DDX60L: variants seen among roughly 807,000 people sequenced by gnomAD.
DDX60L encodes the protein DExD/H-box 60 like, also known as probable ATP-dependent RNA helicase DDX60-like.
In DDX60L, 191 loss-of-function variants were observed where a neutral mutation model predicts 211.6. That is an observed-to-expected ratio of 0.90 (90% CI 0.80 to 1.02). The LOEUF (loss-of-function observed/expected upper bound fraction) is 1.02, where lower values mean the gene tolerates loss of function less well. Among genes scored for constraint, DDX60L ranks in the 50% least tolerant of loss-of-function variants. DDX60L has a pLI of 0.00. For missense variants in DDX60L, 2,007 were observed against 1,984.1 expected (o/e 1.01, Z -0.22); for synonymous variants, 706 against 694.1 (o/e 1.02, Z -0.27).
At chr4:168,479,117 C>CTGGATGATGGATGGATGGATGGA (rs1561157848) in intron 1 of DDX60L, among the ~76,000 whole-genome samples, 1 of 142,940 alleles carries the variant, frequency 7.0e-6, no homozygotes, top group Non-Finnish European at 1.5e-5. Flanking sequence ...GGTTGGATGG[C>CTGGATGATGGATGGATGGATGGA]TGGATGATGG....
rs975703077 is a variant in DDX60L, at chr4:168,472,390, G to A, written c.74+65C>T. ...GATCATGTATATGTATATGGGTTAA[G>A]AGGGATGTGGAAACACAGAGCATAC... On this transcript the variant is annotated intron_variant, in intron 3 of 37. Transcript: ENST00000682922. 7.3e-6 allele frequency: 9 copies of A among 1,224,910 alleles called. No homozygotes were observed. In the Admixed American group the frequency reaches 8.5e-5, roughly 12 times the overall value. The allele number at this position is 1,224,910 out of a possible 1,614,324, so 75.9% of individuals were successfully genotyped here.
chr4:168,432,701 T>C, intron 11 of DDX60L, 131 bp from the exon 12 acceptor site: 1 of 526,226 alleles, frequency 1.9e-6, no homozygotes, highest in Non-Finnish European at 3.2e-6. Flanking sequence ...TCATAAAACC[T>C]CAGAGACATA....
intron 14 of DDX60L, among the ~76,000 whole-genome samples, chr4:168,425,638 T>C (rs1751334858): frequency 6.6e-6 from 1 of 152,132 alleles, no homozygotes; most frequent in Non-Finnish European, 1.5e-5. Flanking sequence ...GGCAGGAGCC[T>C]GTAATCCCAG....
intron 22 of DDX60L, among the ~76,000 whole-genome samples, chr4:168,415,031 G>A (rs893964129): frequency 4.6e-5 from 7 of 151,704 alleles, no homozygotes; most frequent in African/African-American, 1.7e-4. Context: ...TTAAGGTAAT[G>A]GATACATACC....
intron 12 of DDX60L, among the ~76,000 whole-genome samples, chr4:168,431,199 T>C (rs1000493415): frequency 1.3e-5 from 2 of 152,100 alleles, no homozygotes; most frequent in Non-Finnish European, 2.9e-5. Context: ...CTGATACCAA[T>C]TACCTTACAC....
intron 5 of DDX60L, among the ~76,000 whole-genome samples, chr4:168,460,372 G>C (rs1268676252): frequency 2.0e-5 from 3 of 152,034 alleles, no homozygotes; most frequent in Non-Finnish European, 2.9e-5. Context: ...TTGCTTCTTT[G>C]TCAGTCTTCT....
rs1474828660 is a variant in DDX60L, at chr4:168,415,908, C to T, written c.2727-109G>A. On this transcript the variant is annotated intron_variant, in intron 20 of 37. Transcript: ENST00000682922. Reference sequence around the variant, plus strand: ...CACAAGTTTAAAAATTTAGAGCATGCCCTCTCAATTTAAACCACCTGAGTT... The same window carrying T: ...CACAAGTTTAAAAATTTAGAGCATGTCCTCTCAATTTAAACCACCTGAGTT... 5 of 1,043,922 alleles carry T rather than the reference C, an allele frequency of 4.8e-6. No homozygotes were observed. The East Asian group carries it at 8.5e-5, about 18-fold the overall frequency. 64.7% of individuals were successfully genotyped at this position (1,043,922 alleles called of 1,614,324 possible).
At chr4:168,415,542 C>T (rs1749407342) in intron 21 of DDX60L, 25 bp from the exon 22 acceptor site, 2 of 1,491,816 alleles carry the variant, frequency 1.3e-6, no homozygotes, top group Non-Finnish European at 1.8e-6. Flanking sequence ...CAAGAATATC[C>T]AAATTAATGG....
rs976802924 is a variant in DDX60L at position 168,372,652 on chromosome 4, C to G, written c.4777-889G>C. Among the ~76,000 whole-genome samples, 5 of 151,626 alleles carry G rather than the reference C, an allele frequency of 3.3e-5. No individual in the cohort carries two copies. The East Asian group carries it at 9.7e-4, about 29-fold the overall frequency. On this transcript the variant is annotated intron_variant, in intron 35 of 37. Transcript: ENST00000682922. ...TGAGGTGGGAGGATCACCTGAGCCCCGGAAGTTGAGGATGCAGTGAGCCGA... is the reference window on the plus strand; with the variant it reads ...TGAGGTGGGAGGATCACCTGAGCCCGGGAAGTTGAGGATGCAGTGAGCCGA...
intron 36 of DDX60L, among the ~76,000 whole-genome samples, chr4:168,370,745 G>A (rs1157682482): frequency 6.6e-6 from 1 of 151,930 alleles, no homozygotes; most frequent in Non-Finnish European, 1.5e-5. Flanking sequence ...AAAAAGAACA[G>A]CATTTAAATA....
chr4:168,390,479 T>C (rs1410828884), intron 29 of DDX60L: 1 of 1,385,250 alleles, frequency 7.2e-7, no homozygotes, highest in Non-Finnish European at 9.3e-7. Context: ...TAAACTCCTT[T>C]TCTCTGTAAA....
intron 14 of DDX60L, among the ~76,000 whole-genome samples, chr4:168,426,561 G>A (rs2712119): frequency 0.35 from 52,719 of 152,032 alleles, 10,054 homozygotes; most frequent in African/African-American, 0.49. Context: ...CCCTAGAGAG[G>A]AACACAATTT....
intron 28 of DDX60L, among the ~76,000 whole-genome samples, chr4:168,393,088 CAAAT>C (rs1745132157): frequency 6.6e-6 from 1 of 152,078 alleles, no homozygotes. Flanking sequence ...TTTAAAATGA[CAAAT>C]AAATGATACA....
Position 168,390,288 on chromosome 4 carries a change from A to C in DDX60L, c.3915+1252T>G, listed in dbSNP as rs185205018. 4.1e-4 allele frequency: 458 copies of C among 1,114,716 alleles called. No homozygotes were observed. In the African/African-American group the frequency reaches 6.5e-3, roughly 16 times the overall value. The allele number at this position is 1,114,716 out of a possible 1,614,324, so 69.1% of individuals were successfully genotyped here. On this transcript the variant is annotated intron_variant, in intron 29 of 37. Transcript: ENST00000682922. ...ATTCTGAAGGAAACAAAAGTCCCTTAAGAGAAACTTTGCTCTCTACATGAA... is the reference window on the plus strand; with the variant it reads ...ATTCTGAAGGAAACAAAAGTCCCTTCAGAGAAACTTTGCTCTCTACATGAA...
chr4:168,387,716 A>G (rs1172073939), intron 29 of DDX60L, among the ~76,000 whole-genome samples: 2 of 152,240 alleles, frequency 1.3e-5, no homozygotes, highest in Non-Finnish European at 2.9e-5. Context: ...CGATCTGTGT[A>G]ATAGATTAAG....
At chr4:168,375,866 G>A (rs1053342966) in intron 33 of DDX60L, among the ~76,000 whole-genome samples, 3 of 152,306 alleles carry the variant, frequency 2.0e-5, no homozygotes, top group East Asian at 1.9e-4. Flanking sequence ...CAGTAGTAGC[G>A]TCAATGCTTT....
In DDX60L at chr4:168,421,409, C is replaced by G. The variant is rs536593900; in HGVS notation, c.2394+351G>C. Among the ~76,000 whole-genome samples the G allele has an allele frequency of 2.6e-5, 4 of 152,240 alleles. No homozygotes were observed. In the South Asian group the frequency reaches 8.3e-4, roughly 32 times the overall value. On this transcript the variant is annotated intron_variant, in intron 17 of 37. Transcript: ENST00000682922. ...GCACGGTGGCTCACGCCTGTAATCC[C>G]AACACTTCAGGAGGCCAAGGTGGGT...
In DDX60L at chr4:168,386,496, G is replaced by A. The variant is rs538347415; in HGVS notation, c.3916-1684C>T. On this transcript the variant is annotated intron_variant, in intron 29 of 37. Transcript: ENST00000682922. ...CCCTTTATATAAATTAGTTTTAGGC[G>A]GTCTTCATAATAATCCAGTGAGGTA... is the stretch of plus-strand genomic sequence containing the variant. Among the ~76,000 whole-genome samples, 6 of 151,650 alleles carry A rather than the reference G, an allele frequency of 4.0e-5. No individual in the cohort carries two copies. In the South Asian group the frequency reaches 6.3e-4, roughly 16 times the overall value.
chr4:168,406,520 C>A, intron 23 of DDX60L, 82 bp downstream of exon 23: 1 of 958,206 alleles, frequency 1.0e-6, no homozygotes, highest in South Asian at 1.5e-5. Flanking sequence ...AATAAGTGTG[C>A]TTACCTGTAG....
Sources: gnomAD v4.1 joint callset for allele counts (sites outside exome capture counted in the v4.1 genomes callset) on GRCh38, gnomAD v4.1.1 for gene constraint, MANE v1.5 for transcripts, NCBI Gene and HGNC (gene_info 2026-07-23, HGNC 2026-07-21) for gene names.